The following RNF121 variants were observed in gnomAD, a reference collection of about 807,000 sequenced individuals.
RNF121 encodes the protein E3 ubiquitin ligase RNF121.
A neutral mutation model predicts 46.5 loss-of-function variants in RNF121; 21 were observed. The ratio of observed to expected loss-of-function variants is 0.45; its 90% CI spans 0.32 to 0.65. The LOEUF (loss-of-function observed/expected upper bound fraction) is 0.65. RNF121 is among the 30% of genes least tolerant of loss of function. The pLI is 0.04. For missense variants in RNF121, 346 were observed against 416.0 expected, an observed-to-expected ratio of 0.83 and a Z score of 1.46; for synonymous variants, 139 against 144.7, an observed-to-expected ratio of 0.96 and a Z score of 0.28.
chr11:71,981,621 T>C (rs185865757), intron 3 of RNF121, among the ~76,000 whole-genome samples: 22 of 152,288 alleles, frequency 1.4e-4, no homozygotes, highest in Admixed American at 6.5e-4. Flanking sequence ...ATTTCTGTCT[T>C]AGAGTTAGAA....
chr11:71,951,085 G>A (rs1299706623), intron 1 of RNF121, among the ~76,000 whole-genome samples: 9 of 151,990 alleles, frequency 5.9e-5, no homozygotes, highest in Admixed American at 2.6e-4. Flanking sequence ...TTAGTTGGGC[G>A]TGGTGGTGCA....
intron 2 of RNF121, among the ~76,000 whole-genome samples, chr11:71,959,107 C>T (rs1304818157): frequency 6.6e-6 from 1 of 152,130 alleles, no homozygotes; most frequent in Non-Finnish European, 1.5e-5. Flanking sequence ...GTTAATTGGC[C>T]ATGGCCATAT....
chr11:71,956,632 G>A lies in RNF121; in HGVS notation c.64-595G>A, dbSNP rs963998079. Among the ~76,000 whole-genome samples the A allele has an allele frequency of 2.4e-4, 37 of 152,188 alleles. 1 individual carries two copies. Among genetic ancestry groups the A allele is most frequent in the African/African-American group, 8.9e-4 (37 of 41,432 alleles). On this transcript the variant is annotated intron_variant, in intron 1 of 8. Coordinates refer to ENST00000361756, the MANE Select transcript of RNF121 (RefSeq NM_018320.5). ...CAGTGTAGCCTAGCGGCTACCATAGGGCCATTTAGAGTCACATGGTGTTAT... is the reference window on the plus strand; with the variant it reads ...CAGTGTAGCCTAGCGGCTACCATAGAGCCATTTAGAGTCACATGGTGTTAT...
chr11:71,957,973 G>A lies in RNF121; in HGVS notation c.101+709G>A, dbSNP rs186789865. Reference sequence around the variant, plus strand: ...TAAAACTATTGACTATAAAAACATAGAATGGCAAAAATACCTGTTCACATG... The same window carrying A: ...TAAAACTATTGACTATAAAAACATAAAATGGCAAAAATACCTGTTCACATG... On this transcript the variant is annotated intron_variant, in intron 2 of 8. Coordinates refer to ENST00000361756, the MANE Select transcript of RNF121 (RefSeq NM_018320.5). Among the ~76,000 whole-genome samples the A allele has an allele frequency of 1.8e-3, 268 of 152,250 alleles. 3 individuals carry two copies. Among genetic ancestry groups the A allele is most frequent in the African/African-American group, 6.2e-3 (258 of 41,544 alleles).
Position 71,994,750 on chromosome 11 carries a change from A to G in RNF121, c.659A>G (p.His220Arg), listed in dbSNP as rs766664470. The change falls in exon 7 of 9, where the codon CAT becomes CGT. Residue 220 changes from histidine (H) to arginine (R), a missense_variant. This residue lies in a region of RNF121 where 286 missense variants were observed against 383.8 expected (regional missense o/e 0.75). Coordinates refer to ENST00000361756, the MANE Select transcript of RNF121 (RefSeq NM_018320.5). ...FYSESGMPTK[H>R]LSDSVCAVCG... ...AGCGAGTCGGGCATGCCTACCAAAC[A>G]TCTTTCAGACAGTGTGTGTGCTGTG... The G allele has an allele frequency of 9.3e-6, 15 of 1,613,830 alleles. No homozygotes were observed. The highest frequency in any genetic ancestry group is 1.3e-5 in the Non-Finnish European group (15 of 1,179,994).
intron 4 of RNF121, among the ~76,000 whole-genome samples, chr11:71,984,048 C>A (rs1487329500): frequency 6.6e-6 from 1 of 152,166 alleles, no homozygotes; most frequent in Non-Finnish European, 1.5e-5. Context: ...TGGATTGGGA[C>A]CCCTAGCCCT....
intron 3 of RNF121, chr11:71,962,014 CG>C (rs71467459): frequency 7.1e-6 from 1 of 139,930 alleles, no homozygotes; most frequent in East Asian, 2.1e-4. Flanking sequence ...GTCGCCCAGG[CG>C]GGAGTGCAGT....
chr11:71,983,485 A>G (rs1037109360), intron 4 of RNF121, among the ~76,000 whole-genome samples: 4 of 152,356 alleles, frequency 2.6e-5, no homozygotes, highest in Non-Finnish European at 5.9e-5. Context: ...CCAATAAACA[A>G]TACTTCCTTC....
At chr11:71,948,373 G>A (rs1234407575) in intron 1 of RNF121, among the ~76,000 whole-genome samples, 3 of 151,956 alleles carry the variant, frequency 2.0e-5, no homozygotes, top group East Asian at 1.9e-4. Context: ...AAAATTAGCC[G>A]GGCGTGGTGG....
At chr11:71,976,202 T>C (rs1310299242) in intron 3 of RNF121, among the ~76,000 whole-genome samples, 2 of 152,130 alleles carry the variant, frequency 1.3e-5, no homozygotes, top group Non-Finnish European at 2.9e-5. Context: ...AGCTGCTCTC[T>C]TATGGCCTGC....
intron 3 of RNF121, among the ~76,000 whole-genome samples, chr11:71,965,413 G>A (rs191206420): frequency 5.0e-4 from 76 of 152,046 alleles, no homozygotes; most frequent in Non-Finnish European, 9.3e-4. Context: ...ACCATGCCCA[G>A]CTCATTTTTG....
intron 1 of RNF121, among the ~76,000 whole-genome samples, chr11:71,945,380 G>A (rs187834886): frequency 4.6e-5 from 7 of 152,254 alleles, no homozygotes; most frequent in South Asian, 2.1e-4. Context: ...CTTAGTAGCC[G>A]TTGGCTGTAT....
intron 3 of RNF121, among the ~76,000 whole-genome samples, chr11:71,976,208 C>G (rs892337357): frequency 6.6e-6 from 1 of 151,992 alleles, no homozygotes; most frequent in Non-Finnish European, 1.5e-5. Flanking sequence ...TCTCTTATGG[C>G]CTGCTGTCTT....
chr11:71,990,469 G>C (rs1954843728), intron 5 of RNF121, 128 bp from the exon 6 acceptor site: 4 of 1,158,524 alleles, frequency 3.5e-6, no homozygotes, highest in East Asian at 4.7e-5. Flanking sequence ...TTTGGTCATA[G>C]TTTGCCCGCA....
intron 5 of RNF121, among the ~76,000 whole-genome samples, chr11:71,988,303 G>A (rs1428685644): frequency 6.6e-6 from 1 of 152,198 alleles, no homozygotes; most frequent in East Asian, 1.9e-4. Flanking sequence ...TGAGGCAGAT[G>A]AGGGTGGAAA....
intron 3 of RNF121, among the ~76,000 whole-genome samples, chr11:71,967,340 G>T (rs7925411): frequency 0.91 from 126,669 of 138,482 alleles, 58,222 homozygotes; most frequent in Non-Finnish European, 0.98. Context: ...AATTATGTGG[G>T]TTTTTTTTGT....
At chr11:71,976,771 A>T (rs534485395) in intron 3 of RNF121, among the ~76,000 whole-genome samples, 1 of 152,146 alleles carries the variant, frequency 6.6e-6, no homozygotes. Context: ...AGCCTGTTTC[A>T]TGTGAGCTAC....
intron 7 of RNF121, 23 bp downstream of exon 7, chr11:71,994,875 G>A (rs1954942255): frequency 1.2e-6 from 2 of 1,613,810 alleles, no homozygotes; most frequent in Admixed American, 1.7e-5. Flanking sequence ...GAGCTCCTGG[G>A]CCACATCTCT....
intron 4 of RNF121, 98 bp downstream of exon 4, chr11:71,983,013 T>G: frequency 8.1e-7 from 1 of 1,235,700 alleles, no homozygotes; most frequent in Non-Finnish European, 1.1e-6. Context: ...AATTCCTGGT[T>G]TTGTCTGCCA....
Sources: allele counts gnomAD v4.1 joint callset (sites outside exome capture counted in the v4.1 genomes callset), GRCh38; gene constraint gnomAD v4.1.1; regional missense constraint gnomAD v4.1.1; transcripts MANE v1.5; gene names NCBI Gene and HGNC (gene_info 2026-07-23, HGNC 2026-07-21).